DZANK1: variants seen among roughly 807,000 people sequenced by gnomAD.
DZANK1 encodes the protein double zinc ribbon and ankyrin repeat domains 1.
Under a neutral mutation model 94.5 loss-of-function variants are expected in DZANK1, and 91 were observed. The observed-to-expected ratio is 0.96, with a 90% CI of 0.81 to 1.15. The LOEUF is 1.15. DZANK1 is among the 50% of genes most tolerant of loss of function. The probability of loss-of-function intolerance (pLI) is 0.00; values close to 1 mark genes in which losing one functional copy is unlikely to be tolerated. For missense variants in DZANK1, 903 were observed against 916.4 expected, an observed-to-expected ratio of 0.99 and a Z score of 0.19; for synonymous variants, 312 against 325.3, an observed-to-expected ratio of 0.96 and a Z score of 0.44.
At chr20:18,454,305 C>T (rs2059207971) in intron 4 of DZANK1, 2 of 321,972 alleles carry the variant, frequency 6.2e-6, no homozygotes, top group Admixed American at 4.3e-5. Context: ...GCTTAGCCCC[C>T]GAAGGCGGCC....
chr20:18,444,107 G>A (rs954756301), intron 7 of DZANK1, among the ~76,000 whole-genome samples: 18 of 152,098 alleles, frequency 1.2e-4, no homozygotes, highest in African/African-American at 3.9e-4. Context: ...AGACAAGTTG[G>A]CTCCTGATCC....
exon 9 of DZANK1, chr20:18,433,755 C>T (rs2058385823): frequency 6.2e-7 from 1 of 1,613,832 alleles, no homozygotes; most frequent in South Asian, 1.1e-5. Flanking sequence ...GCATTCTGCA[C>T]ACAAGCCCAT....
At chr20:18,412,547 C>T in intron 13 of DZANK1, 99 bp downstream of exon 13, 30 of 1,217,100 alleles carry the variant, frequency 2.5e-5, no homozygotes, top group Non-Finnish European at 3.2e-5. Flanking sequence ...TTACTTCTTA[C>T]ACATACAAAT....
At chr20:18,415,803 C>T (rs907352568) in intron 10 of DZANK1, among the ~76,000 whole-genome samples, 3 of 152,154 alleles carry the variant, frequency 2.0e-5, no homozygotes, top group African/African-American at 7.2e-5. Flanking sequence ...GCTACCTGAG[C>T]GGTCATGATT....
At chr20:18,392,856 T>C (rs1386376237) in intron 17 of DZANK1, among the ~76,000 whole-genome samples, 1 of 152,216 alleles carries the variant, frequency 6.6e-6, no homozygotes, top group Non-Finnish European at 1.5e-5. Flanking sequence ...AGGAGTGTTT[T>C]CTTTCCAGGG....
intron 4 of DZANK1, chr20:18,454,445 C>T (rs1601151670): frequency 1.1e-5 from 2 of 174,868 alleles, no homozygotes; most frequent in Admixed American, 5.4e-5. Flanking sequence ...CTCTGTCAAT[C>T]CCAACAACAT....
At chr20:18,427,251 T>A in intron 9 of DZANK1, 92 bp from the exon 10 acceptor site, 1 of 928,316 alleles carries the variant, frequency 1.1e-6, no homozygotes, top group Non-Finnish European at 1.6e-6. Flanking sequence ...GTCATTCAGC[T>A]ACAGGCCCTA....
At chr20:18,466,553 T>C (rs1601236131) in intron 1 of DZANK1, among the ~76,000 whole-genome samples, 1 of 152,222 alleles carries the variant, frequency 6.6e-6, no homozygotes, top group African/African-American at 2.4e-5. Flanking sequence ...GACTTGCCCA[T>C]AGTCGCATTT....
At chr20:18,422,550 A>C (rs2057831360) in intron 10 of DZANK1, among the ~76,000 whole-genome samples, 1 of 152,240 alleles carries the variant, frequency 6.6e-6, no homozygotes, top group East Asian at 1.9e-4. Context: ...TGTTTCATGC[A>C]CTATGTTATT....
chr20:18,432,282 T>C (rs1446339142), intron 9 of DZANK1, among the ~76,000 whole-genome samples: 1 of 152,240 alleles, frequency 6.6e-6, no homozygotes, highest in Non-Finnish European at 1.5e-5. Context: ...ACATCCTGAA[T>C]AAATGTATTA....
At chr20:18,424,746 A>C (rs1036767216) in intron 10 of DZANK1, among the ~76,000 whole-genome samples, 1 of 152,220 alleles carries the variant, frequency 6.6e-6, no homozygotes, top group Non-Finnish European at 1.5e-5. Context: ...CTATGCCCAC[A>C]CAGAGATTTG....
chr20:18,432,380 A>G (rs1448631128), intron 9 of DZANK1: 2 of 152,214 alleles, frequency 1.3e-5, no homozygotes, highest in East Asian at 3.8e-4. Context: ...TCCCATATAT[A>G]AGAAGTCTGG....
At chr20:18,456,819 C>G (rs7269000) in intron 3 of DZANK1, among the ~76,000 whole-genome samples, 22 of 152,160 alleles carry the variant, frequency 1.4e-4, no homozygotes, top group African/African-American at 5.1e-4. Context: ...AGCTGATGGT[C>G]ATTTGGATTA....
chr20:18,459,506 T>C (rs1268585049), intron 3 of DZANK1, among the ~76,000 whole-genome samples: 1 of 152,166 alleles, frequency 6.6e-6, no homozygotes, highest in Non-Finnish European at 1.5e-5. Flanking sequence ...CAAACCTGCA[T>C]TGCTGGAAAA....
intron 4 of DZANK1, chr20:18,454,154 C>G: frequency 2.5e-6 from 1 of 406,268 alleles, no homozygotes; most frequent in Non-Finnish European, 4.8e-6. Flanking sequence ...AGGGCAAAGG[C>G]AGGGTAGAGT....
chr20:18,413,437 G>C (rs563661453), intron 12 of DZANK1, among the ~76,000 whole-genome samples: 3 of 152,272 alleles, frequency 2.0e-5, no homozygotes, highest in Non-Finnish European at 4.4e-5. Flanking sequence ...TTGCACAAAG[G>C]AATAAGGGCT....
intron 19 of DZANK1, among the ~76,000 whole-genome samples, chr20:18,387,538 G>T (rs181928281): frequency 1.2e-4 from 19 of 152,348 alleles, no homozygotes; most frequent in Admixed American, 9.1e-4. Context: ...TACTGGGGCA[G>T]AGCCAGAGGA....
rs187437405 is a variant in DZANK1 at position 18,427,435 on chromosome 20, A to T, written c.862-276T>A. 2.6e-3 allele frequency among the ~76,000 whole-genome samples: 389 copies of T among 151,872 alleles called. 12 individuals carry two copies. The highest frequency in any genetic ancestry group is 4.6e-4 in the Non-Finnish European group (31 of 67,944). The stretch of plus-strand genomic sequence containing the variant: ...GCTCCTGGCCTCAAGTGATCCTCCC[A>T]CTTCAGCCCCCTAAAGTGCTGGAAT... On this transcript the variant is annotated intron_variant, in intron 9 of 20. Transcript: ENST00000262547.
At chr20:18,399,457 T>C (rs947342034) in intron 13 of DZANK1, among the ~76,000 whole-genome samples, 2 of 152,118 alleles carry the variant, frequency 1.3e-5, no homozygotes, top group Non-Finnish European at 2.9e-5. Flanking sequence ...CACAAACTCC[T>C]GGGCTCAAGT....
Sources: allele counts gnomAD v4.1 joint callset (sites outside exome capture counted in the v4.1 genomes callset), GRCh38; gene constraint gnomAD v4.1.1; transcripts MANE v1.5; gene names NCBI Gene and HGNC (gene_info 2026-07-23, HGNC 2026-07-21).